Variants in UBR1 observed in about 807,000 individuals in gnomAD.
UBR1 encodes ubiquitin protein ligase E3 component n-recognin 1, also known as E3 ubiquitin-protein ligase UBR1.
In UBR1, 102 loss-of-function variants were observed where a neutral mutation model predicts 242.1. That is an observed-to-expected ratio of 0.42 (90% CI 0.36 to 0.50). The LOEUF is 0.50. Ranked by LOEUF, UBR1 falls within the 20% of genes least tolerant of loss-of-function variation. The pLI is 0.01. For missense variants in UBR1, 1,772 were observed against 2,101.8 expected (o/e 0.84, Z 3.07); for synonymous variants, 675 against 684.8 (o/e 0.99, Z 0.22).
chr15:43,101,953 A>G (rs1412312728), intron 1 of UBR1, among the ~76,000 whole-genome samples: 4 of 126,766 alleles, frequency 3.2e-5, no homozygotes, highest in African/African-American at 1.2e-4. Flanking sequence ...GGCGACAGAG[A>G]GAGACCTTGG....
intron 4 of UBR1, among the ~76,000 whole-genome samples, chr15:43,073,590 T>C (rs903038394): frequency 1.3e-5 from 2 of 152,244 alleles, no homozygotes; most frequent in African/African-American, 4.8e-5. Context: ...AAGAAATTGA[T>C]AGTACAGCTA....
At chr15:43,089,342 A>G (rs9635327) in intron 1 of UBR1, among the ~76,000 whole-genome samples, 84,093 of 151,618 alleles carry the variant, frequency 0.55, 27,339 homozygotes, top group Non-Finnish European at 0.71. Context: ...AATACAAAAC[A>G]AAATTAGCCA....
chr15:43,047,438 G>C (rs567327034), intron 13 of UBR1, 149 bp from the exon 14 acceptor site: 1 of 1,204,728 alleles, frequency 8.3e-7, no homozygotes, highest in Admixed American at 1.8e-5. Context: ...CCAGCTCTCA[G>C]GTATGTGCTC....
At chr15:42,972,349 G>A (rs1361062839) in intron 39 of UBR1, among the ~76,000 whole-genome samples, 4 of 151,900 alleles carry the variant, frequency 2.6e-5, no homozygotes, top group Admixed American at 6.6e-5. Context: ...TTCATCACTC[G>A]GTAACTCATT....
In UBR1 at chr15:43,091,126, C is replaced by A. The variant is rs149663503; in HGVS notation, c.82-4886G>T. Reference sequence around the variant, plus strand: ...GCTAATTTTGTATTTTTAGTAGAGACGGGGTTTTTCCATGTTGGTGAGGCT... The same window carrying A: ...GCTAATTTTGTATTTTTAGTAGAGAAGGGGTTTTTCCATGTTGGTGAGGCT... On this transcript the variant is annotated intron_variant, in intron 1 of 46. Coordinates refer to ENST00000290650, the MANE Select transcript of UBR1 (RefSeq NM_174916.3). Among the ~76,000 whole-genome samples, 30 of 151,968 alleles carry A rather than the reference C, an allele frequency of 2.0e-4. 1 individual carries two copies. The highest frequency in any genetic ancestry group is 6.0e-4 in the African/African-American group (25 of 41,368).
At chr15:43,100,760 G>A (rs902281914) in intron 1 of UBR1, among the ~76,000 whole-genome samples, 8 of 152,140 alleles carry the variant, frequency 5.3e-5, no homozygotes, top group Non-Finnish European at 1.0e-4. Flanking sequence ...GCTTGAATCC[G>A]GGAGGCGGAG....
At chr15:43,004,390 T>C (rs1006584367) in intron 30 of UBR1, among the ~76,000 whole-genome samples, 3 of 152,006 alleles carry the variant, frequency 2.0e-5, no homozygotes, top group Non-Finnish European at 4.4e-5. Context: ...TCCCTCTCCC[T>C]GTCCCCGGTC....
At chr15:43,091,706 T>G (rs1596140735) in intron 1 of UBR1, among the ~76,000 whole-genome samples, 1 of 151,120 alleles carries the variant, frequency 6.6e-6, no homozygotes, top group African/African-American at 2.4e-5. Context: ...CCGAGGTGGG[T>G]GGATCACTTG....
intron 44 of UBR1, among the ~76,000 whole-genome samples, chr15:42,957,392 G>C (rs373574252): frequency 3.3e-5 from 5 of 152,164 alleles, no homozygotes; most frequent in East Asian, 3.8e-4. Flanking sequence ...GAAGTGATTA[G>C]TGAGTACAAG....
Position 42,948,991 on chromosome 15 carries a change from G to A in UBR1, c.5108+1271C>T, listed in dbSNP as rs964373861. ...AGACACATGCACACGTATGTTTATT[G>A]CGGGACTATTCACAATAGCAAAGAC... On this transcript the variant is annotated intron_variant, in intron 46 of 46. Transcript: ENST00000290650. Among the ~76,000 whole-genome samples, 14 of 152,146 alleles carry A rather than the reference G, an allele frequency of 9.2e-5. No homozygotes were observed. The Middle Eastern group carries it at 0.014, about 148-fold the overall frequency.
intron 30 of UBR1, 144 bp downstream of exon 30, chr15:43,006,935 T>C: frequency 1.3e-6 from 1 of 788,258 alleles, no homozygotes; most frequent in East Asian, 2.7e-5. Context: ...ATAATATTCC[T>C]GGATTATTAT....
chr15:43,065,754 C>A (rs1233933091), intron 6 of UBR1, among the ~76,000 whole-genome samples: 2 of 152,056 alleles, frequency 1.3e-5, no homozygotes, highest in Admixed American at 1.3e-4. Context: ...TGTTTGCTGG[C>A]TGCATGTATG....
chr15:42,999,175 G>A (rs898191820), intron 32 of UBR1, among the ~76,000 whole-genome samples: 15 of 152,076 alleles, frequency 9.9e-5, no homozygotes, highest in African/African-American at 2.7e-4. Context: ...TCTTGACCTC[G>A]TGATCCGCCC....
At chr15:42,989,645 G>A (rs2032525839) in intron 34 of UBR1, among the ~76,000 whole-genome samples, 1 of 152,104 alleles carries the variant, frequency 6.6e-6, no homozygotes, top group Non-Finnish European at 1.5e-5. Context: ...AAAAATGAAC[G>A]GGTGGTGGCA....
At chr15:43,080,620 G>A (rs577483359) in intron 3 of UBR1, among the ~76,000 whole-genome samples, 2 of 152,238 alleles carry the variant, frequency 1.3e-5, no homozygotes, top group Non-Finnish European at 2.9e-5. Context: ...AGGACATCTT[G>A]GTTGCTTCCA....
At chr15:42,964,161 G>T in intron 41 of UBR1, 118 bp from the exon 42 acceptor site, 1 of 772,570 alleles carries the variant, frequency 1.3e-6, no homozygotes, top group Non-Finnish European at 2.2e-6. Context: ...AGGGTATATT[G>T]CTTATTCTAT....
At chr15:42,989,956 T>C (rs2032529360) in intron 34 of UBR1, 74 bp downstream of exon 34, 1 of 1,035,134 alleles carries the variant, frequency 9.7e-7, no homozygotes, top group South Asian at 1.5e-5. Context: ...TAAGGAAAGA[T>C]GGAAGCCTAC....
chr15:43,066,325 T>A (rs562301439), intron 6 of UBR1, among the ~76,000 whole-genome samples: 31 of 152,334 alleles, frequency 2.0e-4, no homozygotes, highest in Admixed American at 3.9e-4. Flanking sequence ...CATTGGTCTA[T>A]GTGTCTGCTT....
At chr15:43,072,366 C>A (rs946137530) in intron 4 of UBR1, among the ~76,000 whole-genome samples, 1 of 152,196 alleles carries the variant, frequency 6.6e-6, no homozygotes, top group Non-Finnish European at 1.5e-5. Context: ...GCTGGGATTA[C>A]AGGCGTGAGC....
Sources: allele counts gnomAD v4.1 joint callset (sites outside exome capture counted in the v4.1 genomes callset), GRCh38; gene constraint gnomAD v4.1.1; transcripts MANE v1.5; gene names NCBI Gene and HGNC (gene_info 2026-07-23, HGNC 2026-07-21).